The following PPARGC1A variants were observed in gnomAD, a reference collection of about 807,000 sequenced individuals.
PPARGC1A encodes the protein PPARG coactivator 1 alpha.
Under a neutral mutation model 88.7 loss-of-function variants are expected in PPARGC1A, and 25 were observed. That is an observed-to-expected ratio of 0.28 (90% CI 0.21 to 0.39). PPARGC1A has a LOEUF of 0.39. Ranked by LOEUF, PPARGC1A falls within the 10% of genes least tolerant of loss-of-function variation. The pLI, the probability that PPARGC1A is intolerant of heterozygous loss-of-function variation, is 1.00. For missense variants in PPARGC1A, 880 were observed against 968.7 expected (o/e 0.91, Z 1.22); for synonymous variants, 363 against 355.6 (o/e 1.02, Z -0.24).
the PPARGC1A span, among the ~76,000 whole-genome samples, chr4:24,434,882 T>C: frequency 5.3e-5 from 8 of 152,378 alleles, no homozygotes; most frequent in Middle Eastern, 3.4e-3. Context: ...CAATGACAGC[T>C]GCCCGTACAT....
At chr4:24,367,236 A>G in the PPARGC1A span, among the ~76,000 whole-genome samples, 28 of 152,310 alleles carry the variant, frequency 1.8e-4, no homozygotes, top group East Asian at 5.2e-3. Context: ...CAGGAAAATC[A>G]CAGAGGAAGA....
chr4:24,304,581 A>G, the PPARGC1A span, among the ~76,000 whole-genome samples: 2 of 152,150 alleles, frequency 1.3e-5, no homozygotes, highest in Admixed American at 1.3e-4. Flanking sequence ...CTGGCTCCAG[A>G]GTCTATACCT....
At chr4:23,982,743 T>C in the PPARGC1A span, among the ~76,000 whole-genome samples, 1 of 152,208 alleles carries the variant, frequency 6.6e-6, no homozygotes, top group Non-Finnish European at 1.5e-5. Context: ...TTTTCTCATC[T>C]ATAAAGTTGG....
the PPARGC1A span, among the ~76,000 whole-genome samples, chr4:24,353,073 T>A: frequency 6.6e-6 from 1 of 152,144 alleles, no homozygotes; most frequent in Non-Finnish European, 1.5e-5. Context: ...ATCCTGGGAT[T>A]TCAGGGGCAT....
At chr4:24,239,406 C>T in the PPARGC1A span, among the ~76,000 whole-genome samples, 1 of 152,212 alleles carries the variant, frequency 6.6e-6, no homozygotes, top group Non-Finnish European at 1.5e-5. Flanking sequence ...TTTAAGGAAA[C>T]AAACCAAAAT....
the PPARGC1A span, among the ~76,000 whole-genome samples, chr4:24,037,920 G>C: frequency 6.6e-6 from 1 of 152,114 alleles, no homozygotes; most frequent in African/African-American, 2.4e-5. Context: ...ATAAAAAGTA[G>C]GCACTCAAAA....
At chr4:24,415,402 G>C in the PPARGC1A span, among the ~76,000 whole-genome samples, 1 of 152,068 alleles carries the variant, frequency 6.6e-6, no homozygotes, top group Non-Finnish European at 1.5e-5. Flanking sequence ...TAACATAGTA[G>C]GCAACCTTAT....
the PPARGC1A span, among the ~76,000 whole-genome samples, chr4:24,288,350 A>G: frequency 2.6e-5 from 4 of 152,282 alleles, no homozygotes; most frequent in Middle Eastern, 6.8e-3. Context: ...ATTTTTGTTC[A>G]AAAACTAAGG....
chr4:24,076,674 A>G, the PPARGC1A span, among the ~76,000 whole-genome samples: 1 of 152,092 alleles, frequency 6.6e-6, no homozygotes, highest in Non-Finnish European at 1.5e-5. Flanking sequence ...CAAATCCTCC[A>G]TCCCCAGGCT....
chr4:24,453,470 G>A, the PPARGC1A span, among the ~76,000 whole-genome samples: 1 of 152,182 alleles, frequency 6.6e-6, no homozygotes, highest in African/African-American at 2.4e-5. Flanking sequence ...TTGAGTTATG[G>A]GTGTAGTAAA....
At chr4:24,168,895 G>A in the PPARGC1A span, among the ~76,000 whole-genome samples, 1 of 152,202 alleles carries the variant, frequency 6.6e-6, no homozygotes, top group South Asian at 2.1e-4. Flanking sequence ...TAAATATGCT[G>A]TCTTTGAGGC....
chr4:24,256,054 A>G, the PPARGC1A span, among the ~76,000 whole-genome samples: 1 of 152,202 alleles, frequency 6.6e-6, no homozygotes, highest in Non-Finnish European at 1.5e-5. Context: ...CTTCCTGTGA[A>G]GCAGTGGAAG....
intron 2 of PPARGC1A, among the ~76,000 whole-genome samples, chr4:23,866,998 G>T (rs1712156851): frequency 6.6e-6 from 1 of 151,274 alleles, no homozygotes. Flanking sequence ...AACCTACTAT[G>T]TGTATCCTTT....
At chr4:24,082,532 T>C in the PPARGC1A span, among the ~76,000 whole-genome samples, 1 of 152,176 alleles carries the variant, frequency 6.6e-6, no homozygotes, top group Non-Finnish European at 1.5e-5. Context: ...GTGAATTAGA[T>C]AGAAAATTGC....
chr4:24,131,171 C>T, the PPARGC1A span, among the ~76,000 whole-genome samples: 1 of 151,850 alleles, frequency 6.6e-6, no homozygotes, highest in Non-Finnish European at 1.5e-5. Context: ...GCACACAGTG[C>T]TTCTTTGATA....
At chr4:24,257,598 G>A in the PPARGC1A span, among the ~76,000 whole-genome samples, 2 of 152,172 alleles carry the variant, frequency 1.3e-5, no homozygotes, top group Non-Finnish European at 2.9e-5. Flanking sequence ...TGGGTAGGAA[G>A]CAATTCCCAG....
chr4:24,305,133 G>GTATATATATATATATATATATATA, the PPARGC1A span, among the ~76,000 whole-genome samples: 6 of 142,892 alleles, frequency 4.2e-5, no homozygotes, highest in Non-Finnish European at 9.0e-5. Context: ...ATATGTGTAT[G>GTATATATATATATATATATATATA]TATATATATA....
intron 10 of PPARGC1A, among the ~76,000 whole-genome samples, chr4:23,804,041 T>G (rs1401630517): frequency 1.3e-5 from 2 of 152,196 alleles, no homozygotes; most frequent in African/African-American, 4.8e-5. Context: ...TCTGGTCTTA[T>G]TCTACCACAT....
chr4:24,091,322 C>T, the PPARGC1A span: 3 of 483,146 alleles, frequency 6.2e-6, no homozygotes, highest in Non-Finnish European at 8.1e-6. Context: ...TTTGCAAAGA[C>T]GTGGACACTA....
Sources: allele counts gnomAD v4.1 joint callset (sites outside exome capture counted in the v4.1 genomes callset), GRCh38; gene constraint gnomAD v4.1.1; transcripts MANE v1.5; gene names NCBI Gene and HGNC (gene_info 2026-07-23, HGNC 2026-07-21).